The following NKAIN2 variants were observed in gnomAD, a reference collection of about 807,000 sequenced individuals.
NKAIN2 encodes sodium/potassium-transporting ATPase subunit beta-1-interacting protein 2.
Under a neutral mutation model 32.6 loss-of-function variants are expected in NKAIN2, and 14 were observed. The ratio of observed to expected loss-of-function variants is 0.43; its 90% CI spans 0.28 to 0.67. The LOEUF is 0.67. Ranked by LOEUF, NKAIN2 falls within the 30% of genes least tolerant of loss-of-function variation. NKAIN2 has a pLI of 0.17. For synonymous variants in NKAIN2, 80 were observed against 87.2 expected, an observed-to-expected ratio of 0.92 and a Z score of 0.46; for missense variants, 198 against 258.3, an observed-to-expected ratio of 0.77 and a Z score of 1.60.
At chr6:123,998,739 C>CTGTGTG (rs200913485) in intron 1 of NKAIN2, among the ~76,000 whole-genome samples, 14 of 93,832 alleles carry the variant, frequency 1.5e-4, no homozygotes, top group South Asian at 4.3e-4. Context: ...TTCTCTCTCT[C>CTGTGTG]TCTCTGTGTG....
At chr6:124,278,934 G>C (rs1423601964) in intron 1 of NKAIN2, among the ~76,000 whole-genome samples, 1 of 151,860 alleles carries the variant, frequency 6.6e-6, no homozygotes, top group Non-Finnish European at 1.5e-5. Context: ...AGGATATAAT[G>C]AGGTAGATCT....
chr6:124,412,348 G>T (rs184837282), intron 3 of NKAIN2, among the ~76,000 whole-genome samples: 3,154 of 152,172 alleles, frequency 0.021, 124 homozygotes, highest in African/African-American at 0.072. Context: ...GTACAGATGG[G>T]TTTGGTGTGG....
intron 3 of NKAIN2, among the ~76,000 whole-genome samples, chr6:124,485,074 G>C (rs1403943298): frequency 6.6e-6 from 1 of 152,142 alleles, no homozygotes; most frequent in East Asian, 1.9e-4. Context: ...CATGCCTTGA[G>C]CTGGCCATTA....
At chr6:123,838,722 C>T (rs1774734337) in intron 1 of NKAIN2, among the ~76,000 whole-genome samples, 1 of 152,080 alleles carries the variant, frequency 6.6e-6, no homozygotes, top group Non-Finnish European at 1.5e-5. Flanking sequence ...TGTTTTATTA[C>T]CTTTCTACTC....
intron 1 of NKAIN2, among the ~76,000 whole-genome samples, chr6:124,184,074 A>C (rs777312060): frequency 6.6e-6 from 1 of 152,142 alleles, no homozygotes; most frequent in Non-Finnish European, 1.5e-5. Flanking sequence ...ATGAAAAGTC[A>C]TTGTCTCTTA....
chr6:124,130,260 A>G (rs1786401999), intron 1 of NKAIN2, among the ~76,000 whole-genome samples: 1 of 152,202 alleles, frequency 6.6e-6, no homozygotes, highest in Non-Finnish European at 1.5e-5. Context: ...TCTGCTCCAC[A>G]GGGTATGAAC....
At chr6:124,486,175 G>A (rs986374518) in intron 3 of NKAIN2, among the ~76,000 whole-genome samples, 6 of 152,150 alleles carry the variant, frequency 3.9e-5, no homozygotes, top group South Asian at 2.1e-4. Context: ...AACATAAGGA[G>A]AATGCTGTGT....
chr6:124,106,763 T>C (rs897156143), intron 1 of NKAIN2, among the ~76,000 whole-genome samples: 1 of 152,200 alleles, frequency 6.6e-6, no homozygotes, highest in Non-Finnish European at 1.5e-5. Flanking sequence ...TCCATTCACT[T>C]ACACAGAAAT....
intron 1 of NKAIN2, among the ~76,000 whole-genome samples, chr6:124,020,869 A>G (rs1780830678): frequency 6.6e-6 from 1 of 152,166 alleles, no homozygotes; most frequent in Non-Finnish European, 1.5e-5. Flanking sequence ...AGACATAAAC[A>G]GATGATCAAG....
At chr6:123,900,532 GTTTTTTTTTTTTTTTTTTTT>G (rs34370743) in intron 1 of NKAIN2, among the ~76,000 whole-genome samples, 2,043 of 32,798 alleles carry the variant, frequency 0.062, 131 homozygotes, top group African/African-American at 0.098. Flanking sequence ...CTCCAGATTA[GTTTTTTTTTTTTTTTTTTTT>G]TTTTTTTTTT....
intron 1 of NKAIN2, among the ~76,000 whole-genome samples, chr6:124,014,853 A>G (rs577922823): frequency 6.6e-6 from 1 of 152,276 alleles, no homozygotes; most frequent in East Asian, 1.9e-4. Flanking sequence ...TTGAAAGGCT[A>G]CATATTATTC....
At chr6:124,362,064 A>G (rs192081245) in intron 3 of NKAIN2, among the ~76,000 whole-genome samples, 4 of 152,058 alleles carry the variant, frequency 2.6e-5, no homozygotes, top group African/African-American at 9.7e-5. Flanking sequence ...TCTTCATGAG[A>G]TAAAAATATA....
Position 124,186,729 on chromosome 6 carries a change from A to G in NKAIN2, c.55-96276A>G, listed in dbSNP as rs1789759733. ...TATTTAGTATTAAATTAATATGCCT[A>G]CTGTGGAAAATGTCCATGTATTCAT... On this transcript the variant is annotated intron_variant, in intron 1 of 6. Coordinates refer to ENST00000368417, the MANE Select transcript of NKAIN2 (RefSeq NM_001040214.3). Among the ~76,000 whole-genome samples the G allele has an allele frequency of 2.6e-5, 4 of 152,316 alleles. 1 individual carries two copies. In the South Asian group the frequency reaches 8.3e-4, roughly 32 times the overall value.
In NKAIN2 at chr6:124,744,192, G is replaced by A. The variant is rs144301479; in HGVS notation, c.475-47147G>A. 5.3e-4 allele frequency among the ~76,000 whole-genome samples: 80 copies of A among 151,948 alleles called. 1 individual carries two copies. Among genetic ancestry groups the A allele is most frequent in the African/African-American group, 1.7e-3 (69 of 41,524 alleles). ...CTGATACATCCCTCACAACTGCAAA[G>A]ATAAACCTGAATAATAGTTTTAGTT... On this transcript the variant is annotated intron_variant, in intron 4 of 6. Transcript: ENST00000368417.
chr6:123,904,230 T>TA (rs1397650932), intron 1 of NKAIN2, among the ~76,000 whole-genome samples: 100 of 146,184 alleles, frequency 6.8e-4, no homozygotes, highest in Admixed American at 4.4e-3. Flanking sequence ...AAACTCTGCT[T>TA]AAAAAAAAAA....
chr6:123,897,801 C>A (rs1380048626), intron 1 of NKAIN2, among the ~76,000 whole-genome samples: 2 of 152,082 alleles, frequency 1.3e-5, no homozygotes, highest in Admixed American at 1.3e-4. Flanking sequence ...CTTCAACTTA[C>A]CCTCTTCCCT....
intron 1 of NKAIN2, among the ~76,000 whole-genome samples, chr6:124,086,083 C>T (rs1784178033): frequency 6.6e-6 from 1 of 151,444 alleles, no homozygotes; most frequent in African/African-American, 2.4e-5. Context: ...GATCAAATCA[C>T]TACTTCAGAT....
rs187674052 is a variant in NKAIN2 at position 124,765,729 on chromosome 6, C to A, written c.475-25610C>A. On this transcript the variant is annotated intron_variant, in intron 4 of 6. Coordinates refer to ENST00000368417, the MANE Select transcript of NKAIN2 (RefSeq NM_001040214.3). ...TGCAGAAGTTCCTTCTATTGTGTAC[C>A]ACCACCCTGAATCTCTAAAAACTGA... Among the ~76,000 whole-genome samples the A allele has an allele frequency of 5.8e-4, 89 of 152,244 alleles. 1 individual carries two copies. In the South Asian group the frequency reaches 6.2e-3, roughly 11 times the overall value.
chr6:124,225,042 A>G (rs1030275087), intron 1 of NKAIN2, among the ~76,000 whole-genome samples: 2 of 152,068 alleles, frequency 1.3e-5, no homozygotes, highest in Non-Finnish European at 2.9e-5. Context: ...AGCTGCAGGT[A>G]TAGAATCATT....
Sources: gnomAD v4.1 joint callset for allele counts (sites outside exome capture counted in the v4.1 genomes callset) on GRCh38, gnomAD v4.1.1 for gene constraint, MANE v1.5 for transcripts, NCBI Gene and HGNC (gene_info 2026-07-23, HGNC 2026-07-21) for gene names.